TG: variants seen among roughly 807,000 people sequenced by gnomAD.
The protein encoded by TG is thyroglobulin.
A neutral mutation model predicts 324.7 loss-of-function variants in TG; 270 were observed. The ratio of observed to expected loss-of-function variants is 0.83; its 90% CI spans 0.75 to 0.92. TG has a LOEUF of 0.92. Among genes scored for constraint, TG ranks in the 40% least tolerant of loss-of-function variants. The probability of loss-of-function intolerance (pLI) is 0.00; values close to 1 mark genes in which losing one functional copy is unlikely to be tolerated. For missense variants in TG, 3,591 were observed against 3,456.4 expected (o/e 1.04, Z -0.98); for synonymous variants, 1,401 against 1,327.0 (o/e 1.06, Z -1.21).
intron 26 of TG, 21 bp downstream of exon 26, chr8:132,941,563 C>T: frequency 1.2e-6 from 2 of 1,613,968 alleles, no homozygotes; most frequent in Non-Finnish European, 1.7e-6. Flanking sequence ...CAGTGAGGGC[C>T]AGGGCCTAAC....
At chr8:132,962,055 C>T (rs1167340185) in intron 28 of TG, among the ~76,000 whole-genome samples, 1 of 151,670 alleles carries the variant, frequency 6.6e-6, no homozygotes, top group Non-Finnish European at 1.5e-5. Context: ...CATCAATGCA[C>T]AAAACAATGC....
chr8:133,083,228 TA>T (rs1377005396), intron 41 of TG, among the ~76,000 whole-genome samples: 9 of 152,234 alleles, frequency 5.9e-5, no homozygotes, highest in African/African-American at 2.2e-4. Flanking sequence ...TTATAACCTG[TA>T]AAACACTATA....
intron 10 of TG, among the ~76,000 whole-genome samples, chr8:132,892,634 C>T (rs1454728847): frequency 6.6e-6 from 1 of 152,052 alleles, no homozygotes; most frequent in Non-Finnish European, 1.5e-5. Context: ...AATGTGCTCA[C>T]GTGTGGGTGT....
At chr8:132,922,997 C>T (rs916183187) in intron 21 of TG, among the ~76,000 whole-genome samples, 1 of 152,086 alleles carries the variant, frequency 6.6e-6, no homozygotes, top group African/African-American at 2.4e-5. Context: ...GTGGAGAGTT[C>T]GCGCAGCAAA....
intron 43 of TG, among the ~76,000 whole-genome samples, chr8:133,101,443 CCAAGGAGGA>C (rs1486565150): frequency 1.3e-5 from 2 of 152,180 alleles, no homozygotes; most frequent in African/African-American, 4.8e-5. Context: ...CCACCATCAG[CCAAGGAGGA>C]CCTGAAGATG....
intron 11 of TG, among the ~76,000 whole-genome samples, chr8:132,896,235 G>C (rs1817079731): frequency 6.6e-6 from 1 of 152,252 alleles, no homozygotes; most frequent in African/African-American, 2.4e-5. Context: ...TGGGCAACTT[G>C]CTCATGATCA....
intron 46 of TG, 63 bp from the exon 47 acceptor site, chr8:133,133,407 T>C (rs553357425): frequency 1.3e-6 from 2 of 1,516,560 alleles, no homozygotes; most frequent in Admixed American, 1.7e-5. Context: ...TGGGAAGTGA[T>C]TCAGGTGATG....
At chr8:132,876,738 G>A (rs1813855039) in intron 5 of TG, among the ~76,000 whole-genome samples, 1 of 152,164 alleles carries the variant, frequency 6.6e-6, no homozygotes, top group South Asian at 2.1e-4. Context: ...TATTGCCCTA[G>A]CCCAACCAGT....
intron 16 of TG, among the ~76,000 whole-genome samples, chr8:132,902,586 A>G (rs754319881): frequency 2.0e-5 from 3 of 152,114 alleles, no homozygotes; most frequent in Non-Finnish European, 4.4e-5. Flanking sequence ...TTGACTCTCT[A>G]TCATCTGCTA....
intron 26 of TG, among the ~76,000 whole-genome samples, chr8:132,946,158 G>C (rs555949430): frequency 3.0e-4 from 46 of 151,436 alleles, no homozygotes; most frequent in Non-Finnish European, 6.2e-4. Flanking sequence ...TGTATTTTCT[G>C]AAGATACCAC....
intron 22 of TG, among the ~76,000 whole-genome samples, chr8:132,925,063 C>T (rs1030426871): frequency 6.6e-6 from 1 of 152,178 alleles, no homozygotes; most frequent in Non-Finnish European, 1.5e-5. Flanking sequence ...CTTAGTATTT[C>T]TGTGGAAGGA....
At chr8:132,891,084 G>A (rs1029325318) in intron 10 of TG, among the ~76,000 whole-genome samples, 4 of 152,116 alleles carry the variant, frequency 2.6e-5, no homozygotes, top group African/African-American at 4.8e-5. Context: ...TGGAAAATGC[G>A]GTGGAGGGCG....
chr8:132,940,650 C>T (rs1382274004), intron 25 of TG, among the ~76,000 whole-genome samples: 1 of 152,176 alleles, frequency 6.6e-6, no homozygotes, highest in Non-Finnish European at 1.5e-5. Context: ...ACAAGGGCTG[C>T]TTGCACAAAG....
chr8:132,917,626 T>TG (rs1348880534), intron 20 of TG, among the ~76,000 whole-genome samples: 4 of 151,850 alleles, frequency 2.6e-5, no homozygotes, highest in Non-Finnish European at 4.4e-5. Flanking sequence ...GGGCTGGAGA[T>TG]GGGACCATGG....
At chr8:133,024,310 CTTTCTT>C in intron 40 of TG, among the ~76,000 whole-genome samples, 1 of 8,962 alleles carries the variant, frequency 1.1e-4, no homozygotes, top group Admixed American at 1.1e-3. Context: ...AGGCCATTTT[CTTTCTT>C]TCTTTCTTTC....
At chr8:133,011,425 G>T (rs1834498906) in intron 35 of TG, among the ~76,000 whole-genome samples, 1 of 152,136 alleles carries the variant, frequency 6.6e-6, no homozygotes, top group South Asian at 2.1e-4. Context: ...ACTGCAGGGG[G>T]TCTAAATGGC....
chr8:132,888,705 G>A, intron 10 of TG, 137 bp downstream of exon 10: 2 of 940,678 alleles, frequency 2.1e-6, no homozygotes, highest in Non-Finnish European at 3.1e-6. Flanking sequence ...AGATGGCTGA[G>A]AAAACGAAGG....
chr8:133,119,070 C>A (rs557920361), intron 45 of TG, among the ~76,000 whole-genome samples: 1 of 152,166 alleles, frequency 6.6e-6, no homozygotes, highest in Non-Finnish European at 1.5e-5. Context: ...TGTGGCCCTG[C>A]TGTCACCTTG....
intron 37 of TG, among the ~76,000 whole-genome samples, chr8:133,016,085 G>A (rs73359365): frequency 0.019 from 2,838 of 152,226 alleles, 101 homozygotes; most frequent in African/African-American, 0.064. Flanking sequence ...CCTGTTGTAG[G>A]AGATGCTATT....
Sources: allele counts gnomAD v4.1 joint callset (sites outside exome capture counted in the v4.1 genomes callset), GRCh38; gene constraint gnomAD v4.1.1; transcripts MANE v1.5; gene names NCBI Gene and HGNC (gene_info 2026-07-23, HGNC 2026-07-21).